The following CNTNAP2 variants were observed in gnomAD, a reference collection of about 807,000 sequenced individuals.
CNTNAP2 encodes contactin associated protein 2.
Under a neutral mutation model 155.2 loss-of-function variants are expected in CNTNAP2, and 98 were observed. The observed-to-expected ratio is 0.63, with a 90% CI of 0.54 to 0.75. CNTNAP2 has a LOEUF of 0.75. Ranked by LOEUF, CNTNAP2 falls within the 30% of genes least tolerant of loss-of-function variation. The probability of loss-of-function intolerance (pLI) is 0.00; values close to 1 mark genes in which losing one functional copy is unlikely to be tolerated. For missense variants in CNTNAP2, 1,727 were observed against 1,688.1 expected (o/e 1.02, Z -0.40); for synonymous variants, 651 against 631.2 (o/e 1.03, Z -0.47).
At chr7:147,772,483 T>TATATATATATAC (rs1491170896) in intron 13 of CNTNAP2, among the ~76,000 whole-genome samples, 3 of 90,264 alleles carry the variant, frequency 3.3e-5, no homozygotes, top group East Asian at 2.9e-4. Context: ...TATATATATA[T>TATATATATATAC]ACACACACAA....
At chr7:147,991,194 T>C (rs1278086971) in intron 15 of CNTNAP2, among the ~76,000 whole-genome samples, 1 of 152,240 alleles carries the variant, frequency 6.6e-6, no homozygotes, top group Non-Finnish European at 1.5e-5. Context: ...TGCTTTATTG[T>C]CACCATTGTC....
chr7:148,129,327 A>G (rs1804777916), intron 16 of CNTNAP2, among the ~76,000 whole-genome samples: 1 of 152,158 alleles, frequency 6.6e-6, no homozygotes, highest in Non-Finnish European at 1.5e-5. Flanking sequence ...GTATGTCCTG[A>G]TTTCTTTCAT....
intron 3 of CNTNAP2, among the ~76,000 whole-genome samples, chr7:146,910,699 A>C (rs1378408547): frequency 6.7e-6 from 1 of 150,232 alleles, no homozygotes; most frequent in African/African-American, 2.5e-5. Flanking sequence ...AACCATAAAA[A>C]CCCTAGAAGA....
chr7:147,047,003 A>G (rs1292837812), intron 4 of CNTNAP2, among the ~76,000 whole-genome samples: 14 of 139,838 alleles, frequency 1.0e-4, no homozygotes, highest in African/African-American at 2.5e-4. Context: ...CTGTACTCCA[A>G]CCTGGGCGAC....
chr7:146,574,814 T>A (rs117790688), intron 1 of CNTNAP2, among the ~76,000 whole-genome samples: 3,432 of 152,288 alleles, frequency 0.023, 48 homozygotes, highest in Middle Eastern at 0.048. Flanking sequence ...TTCTTCTTCA[T>A]TTTTTGAAAG....
intron 17 of CNTNAP2, among the ~76,000 whole-genome samples, chr7:148,166,467 A>G (rs185305108): frequency 2.0e-3 from 301 of 149,916 alleles, no homozygotes; most frequent in African/African-American, 7.2e-3. Flanking sequence ...CTCTTTATTA[A>G]GTTCTGAATT....
At position 146,521,515 on chromosome 7, in the gene CNTNAP2, A is replaced by G. The variant is rs182939164; in HGVS notation, c.98-252756A>G. Reference sequence around the variant, plus strand: ...TGGAAGAAGGTGAACTGCATTTACAATTGCTTGAAATAGTGAGAAAAGTTA... The same window carrying G: ...TGGAAGAAGGTGAACTGCATTTACAGTTGCTTGAAATAGTGAGAAAAGTTA... On this transcript the variant is annotated intron_variant, in intron 1 of 23. Transcript: ENST00000361727. 2.9e-4 allele frequency among the ~76,000 whole-genome samples: 44 copies of G among 152,124 alleles called. No individual in the cohort carries two copies. In the East Asian group the frequency reaches 8.3e-3, roughly 29 times the overall value.
chr7:147,849,318 A>C (rs1449764900), intron 13 of CNTNAP2, among the ~76,000 whole-genome samples: 1 of 152,224 alleles, frequency 6.6e-6, no homozygotes, highest in Non-Finnish European at 1.5e-5. Context: ...GAGTATTTTC[A>C]TTTCTCAGCA....
At chr7:146,948,436 T>C (rs1797236908) in intron 3 of CNTNAP2, among the ~76,000 whole-genome samples, 2 of 151,612 alleles carry the variant, frequency 1.3e-5, no homozygotes. Context: ...TCTTTATTTG[T>C]TGTGTCATTT....
chr7:146,154,467 T>C (rs1028861453), intron 1 of CNTNAP2, among the ~76,000 whole-genome samples: 1 of 152,192 alleles, frequency 6.6e-6, no homozygotes. Context: ...GACAGCATGA[T>C]ACAGGCACAG....
At chr7:146,647,947 G>C (rs939770150) in intron 1 of CNTNAP2, among the ~76,000 whole-genome samples, 3 of 152,060 alleles carry the variant, frequency 2.0e-5, no homozygotes, top group African/African-American at 7.2e-5. Context: ...GTGCAGCTTT[G>C]ACTCTTCAGC....
chr7:147,916,044 C>CT (rs1184076723), intron 14 of CNTNAP2, among the ~76,000 whole-genome samples: 1 of 152,176 alleles, frequency 6.6e-6, no homozygotes, highest in African/African-American at 2.4e-5. Context: ...GCAAGGGCTT[C>CT]TGCCCTCTTT....
At chr7:148,216,663 T>A (rs1385768925) in intron 18 of CNTNAP2, among the ~76,000 whole-genome samples, 4 of 152,198 alleles carry the variant, frequency 2.6e-5, no homozygotes, top group Non-Finnish European at 5.9e-5. Flanking sequence ...TATGTGAAAT[T>A]TTTTTCTGGT....
At chr7:146,320,490 G>A (rs940448889) in intron 1 of CNTNAP2, among the ~76,000 whole-genome samples, 3 of 152,140 alleles carry the variant, frequency 2.0e-5, no homozygotes, top group African/African-American at 7.2e-5. Context: ...AGTACCTCTT[G>A]AAATGTTTCA....
chr7:146,328,401 T>C (rs1801130055), intron 1 of CNTNAP2, among the ~76,000 whole-genome samples: 1 of 152,074 alleles, frequency 6.6e-6, no homozygotes, highest in Non-Finnish European at 1.5e-5. Flanking sequence ...TGAGGTATGA[T>C]CAATAAAGAA....
chr7:146,135,120 T>A (rs557323911), intron 1 of CNTNAP2, among the ~76,000 whole-genome samples: 1 of 152,140 alleles, frequency 6.6e-6, no homozygotes, highest in Non-Finnish European at 1.5e-5. Flanking sequence ...GGACCACACA[T>A]TGAGTAGCAA....
At chr7:147,530,668 C>A (rs557204610) in intron 11 of CNTNAP2, among the ~76,000 whole-genome samples, 9 of 152,126 alleles carry the variant, frequency 5.9e-5, no homozygotes, top group Admixed American at 5.2e-4. Context: ...CTGGGAGATA[C>A]AATTCAAGTT....
chr7:147,516,425 C>T (rs1340990604), intron 11 of CNTNAP2, among the ~76,000 whole-genome samples: 1 of 152,044 alleles, frequency 6.6e-6, no homozygotes, highest in South Asian at 2.1e-4. Flanking sequence ...TATTAGGGGC[C>T]AATATTAAAA....
rs182743981 is a variant in CNTNAP2, at chr7:146,197,783, A to T, written c.97+80810A>T. ...TTTTCAAGCTTTAAAAATATGGCTC[A>T]AATTAAAAGCCGGTTTCTTGAGGTT... On this transcript the variant is annotated intron_variant, in intron 1 of 23. Coordinates refer to ENST00000361727, the MANE Select transcript of CNTNAP2 (RefSeq NM_014141.6). Among the ~76,000 whole-genome samples the T allele has an allele frequency of 4.6e-5, 7 of 152,318 alleles. No homozygotes were observed. In the East Asian group the frequency reaches 1.3e-3, roughly 29 times the overall value.
Sources: allele counts gnomAD v4.1 joint callset (sites outside exome capture counted in the v4.1 genomes callset), GRCh38; gene constraint gnomAD v4.1.1; transcripts MANE v1.5; gene names NCBI Gene and HGNC (gene_info 2026-07-23, HGNC 2026-07-21).